The following ZNF804B variants were observed in gnomAD, a reference collection of about 807,000 sequenced individuals.
ZNF804B encodes zinc finger protein 804B.
ZNF804B carries 80 observed loss-of-function variants against 101.4 expected under a neutral mutation model. That is an observed-to-expected ratio of 0.79 (90% CI 0.66 to 0.95). ZNF804B has a LOEUF of 0.95. ZNF804B is among the 40% of genes least tolerant of loss of function. The probability of loss-of-function intolerance (pLI) is 0.00; values close to 1 mark genes in which losing one functional copy is unlikely to be tolerated. For synonymous variants in ZNF804B, 622 were observed against 558.8 expected (o/e 1.11, Z -1.59); for missense variants, 1,673 against 1,561.9 (o/e 1.07, Z -1.20).
intron 1 of ZNF804B, among the ~76,000 whole-genome samples, chr7:89,035,414 A>G (rs1220905479): frequency 2.2e-5 from 3 of 136,344 alleles, no homozygotes; most frequent in Non-Finnish European, 4.7e-5. Flanking sequence ...GTGTTATTAG[A>G]ATAAGAAAAT....
intron 2 of ZNF804B, among the ~76,000 whole-genome samples, chr7:89,229,381 C>G (rs1435889266): frequency 6.6e-6 from 1 of 152,184 alleles, no homozygotes; most frequent in Non-Finnish European, 1.5e-5. Context: ...AATAGAGAAA[C>G]ATGCACCGTG....
At chr7:89,276,272 T>C (rs1251843486) in intron 2 of ZNF804B, among the ~76,000 whole-genome samples, 24 of 151,930 alleles carry the variant, frequency 1.6e-4, no homozygotes. Flanking sequence ...CCATGGCACG[T>C]GGTTACCTAT....
At chr7:89,245,503 A>G (rs1789429205) in intron 2 of ZNF804B, among the ~76,000 whole-genome samples, 1 of 152,218 alleles carries the variant, frequency 6.6e-6, no homozygotes, top group East Asian at 1.9e-4. Flanking sequence ...ACACAATGAA[A>G]TTAAATCAGA....
At chr7:89,154,474 A>G (rs1287046579) in intron 1 of ZNF804B, among the ~76,000 whole-genome samples, 1 of 152,174 alleles carries the variant, frequency 6.6e-6, no homozygotes, top group African/African-American at 2.4e-5. Flanking sequence ...CTCCATAAAC[A>G]GATGAATGGA....
intron 1 of ZNF804B, among the ~76,000 whole-genome samples, chr7:88,792,360 A>G (rs1012708729): frequency 3.9e-5 from 6 of 152,266 alleles, no homozygotes; most frequent in African/African-American, 1.4e-4. Context: ...ATTTTTATCC[A>G]AAATTCAAAC....
intron 1 of ZNF804B, among the ~76,000 whole-genome samples, chr7:88,800,179 T>C (rs887904767): frequency 2.0e-5 from 3 of 152,030 alleles, no homozygotes; most frequent in South Asian, 2.1e-4. Context: ...TAATAAGCTA[T>C]TGAGTAGACA....
chr7:89,266,877 T>TTGTGTGTGTGTGTGTGTG (rs66604616), intron 2 of ZNF804B, among the ~76,000 whole-genome samples: 19,439 of 150,856 alleles, frequency 0.13, 1,383 homozygotes, highest in Middle Eastern at 0.22. Flanking sequence ...GTGTCTGTGT[T>TTGTGTGTGTGTGTGTGTG]TGTGTGTGTG....
At chr7:89,221,815 A>G (rs1584065543) in intron 2 of ZNF804B, among the ~76,000 whole-genome samples, 1 of 151,122 alleles carries the variant, frequency 6.6e-6, no homozygotes, top group Admixed American at 6.6e-5. Flanking sequence ...ACTTTCTGTC[A>G]TTCTAACTTT....
At chr7:89,051,180 G>C (rs1236126799) in intron 1 of ZNF804B, among the ~76,000 whole-genome samples, 3 of 151,916 alleles carry the variant, frequency 2.0e-5, no homozygotes, top group African/African-American at 7.3e-5. Context: ...ATCCTTGCCT[G>C]TGTGTAGGTG....
chr7:89,203,692 C>A (rs1437408674), intron 1 of ZNF804B, among the ~76,000 whole-genome samples: 1 of 152,058 alleles, frequency 6.6e-6, no homozygotes, highest in African/African-American at 2.4e-5. Context: ...ACTTTTTAAA[C>A]ATCTCTGGTA....
chr7:88,892,358 G>T lies in ZNF804B; in HGVS notation c.108+132274G>T, dbSNP rs1389186408. Among the ~76,000 whole-genome samples, 3 of 152,052 alleles carry T rather than the reference G, an allele frequency of 2.0e-5. No individual in the cohort carries two copies. The East Asian group carries it at 5.8e-4, about 29-fold the overall frequency. ...TATGAAGGGTTTGTGTCTATCTGTA[G>T]ATATCTTAATTTCCACTCTAACTTG... On this transcript the variant is annotated intron_variant, in intron 1 of 3. Transcript: ENST00000333190.
At chr7:89,169,623 G>A (rs1325297028) in intron 1 of ZNF804B, among the ~76,000 whole-genome samples, 1 of 152,088 alleles carries the variant, frequency 6.6e-6, no homozygotes, top group African/African-American at 2.4e-5. Context: ...ATAGTCTAAG[G>A]TCATTGTTCT....
chr7:88,946,689 C>T (rs1030188732), intron 1 of ZNF804B, among the ~76,000 whole-genome samples: 11 of 151,476 alleles, frequency 7.3e-5, no homozygotes, highest in African/African-American at 2.7e-4. Context: ...ACCATTTCCT[C>T]TTTGTATCTC....
chr7:89,162,009 T>C (rs1313092566), intron 1 of ZNF804B, among the ~76,000 whole-genome samples: 1 of 152,160 alleles, frequency 6.6e-6, no homozygotes, highest in African/African-American at 2.4e-5. Context: ...GAGGAACATA[T>C]TTAGGATTTG....
At chr7:89,193,102 C>T (rs1788485720) in intron 1 of ZNF804B, among the ~76,000 whole-genome samples, 2 of 152,030 alleles carry the variant, frequency 1.3e-5, no homozygotes, top group Non-Finnish European at 2.9e-5. Context: ...CAGGGATGCC[C>T]TCTTTCACCA....
chr7:88,812,705 A>G (rs1196156562), intron 1 of ZNF804B, among the ~76,000 whole-genome samples: 3 of 152,198 alleles, frequency 2.0e-5, no homozygotes, highest in Non-Finnish European at 4.4e-5. Context: ...CATATACACA[A>G]TATTATTCAG....
At chr7:89,152,844 C>T (rs778451513) in intron 1 of ZNF804B, among the ~76,000 whole-genome samples, 1 of 152,044 alleles carries the variant, frequency 6.6e-6, no homozygotes, top group African/African-American at 2.4e-5. Context: ...GTTCCAACGA[C>T]AAGCACCCTT....
At chr7:88,765,858 A>G (rs1298276624) in intron 1 of ZNF804B, among the ~76,000 whole-genome samples, 1 of 151,730 alleles carries the variant, frequency 6.6e-6, no homozygotes, top group Non-Finnish European at 1.5e-5. Flanking sequence ...ATAGTGATAT[A>G]CCAATTTCCA....
chr7:89,158,245 G>T (rs1791005768), intron 1 of ZNF804B, among the ~76,000 whole-genome samples: 1 of 152,110 alleles, frequency 6.6e-6, no homozygotes, highest in Non-Finnish European at 1.5e-5. Flanking sequence ...CAATGAAAAA[G>T]ATTTGTCACT....
Sources: allele counts gnomAD v4.1 joint callset (sites outside exome capture counted in the v4.1 genomes callset), GRCh38; gene constraint gnomAD v4.1.1; transcripts MANE v1.5; gene names NCBI Gene and HGNC (gene_info 2026-07-23, HGNC 2026-07-21).